Variants in AUTS2 observed in about 807,000 individuals in gnomAD.
AUTS2 encodes autism susceptibility gene 2 protein.
A neutral mutation model predicts 112.4 loss-of-function variants in AUTS2; 17 were observed. The ratio of observed to expected loss-of-function variants is 0.15; its 90% CI spans 0.10 to 0.23. The LOEUF is 0.23. Ranked by LOEUF, AUTS2 falls within the 10% of genes least tolerant of loss-of-function variation. The probability of loss-of-function intolerance (pLI) is 1.00; values close to 1 mark genes in which losing one functional copy is unlikely to be tolerated. For synonymous variants in AUTS2, 751 were observed against 702.7 expected, an observed-to-expected ratio of 1.07 and a Z score of -1.09; for missense variants, 1,510 against 1,701.6, an observed-to-expected ratio of 0.89 and a Z score of 1.98.
chr7:70,384,361 G>A (rs888560327), intron 4 of AUTS2, among the ~76,000 whole-genome samples: 2 of 152,216 alleles, frequency 1.3e-5, no homozygotes, highest in South Asian at 2.1e-4. Flanking sequence ...TAAATCCATG[G>A]TAACCTGTTC....
At chr7:69,645,923 C>T (rs1442938084) in intron 1 of AUTS2, among the ~76,000 whole-genome samples, 2 of 151,006 alleles carry the variant, frequency 1.3e-5, no homozygotes, top group Non-Finnish European at 2.9e-5. Flanking sequence ...CAGGACTCTA[C>T]AGTGATGACT....
chr7:69,824,135 T>C (rs1791129857), intron 1 of AUTS2, among the ~76,000 whole-genome samples: 1 of 152,246 alleles, frequency 6.6e-6, no homozygotes, highest in South Asian at 2.1e-4. Context: ...GTGATACGGC[T>C]GGGCACGGTG....
chr7:69,781,857 C>G (rs1176451207), intron 1 of AUTS2, among the ~76,000 whole-genome samples: 2 of 152,200 alleles, frequency 1.3e-5, no homozygotes, highest in African/African-American at 2.4e-5. Flanking sequence ...GAAAAAGTGC[C>G]TTTGGGTCAT....
In AUTS2 at chr7:70,108,783, C is replaced by CAAAA. The variant is rs528009205; in HGVS notation, c.523-9321_523-9318dup. ...TTCCAGACCAGCCTGGCCAACATGGCAAAAAAAAAAAAAAAAAAAAAAAAA... is the reference window on the plus strand; with the variant it reads ...TTCCAGACCAGCCTGGCCAACATGGCAAAAAAAAAAAAAAAAAAAAAAAAAAAAA... On this transcript the variant is annotated intron_variant, in intron 2 of 18. Transcript: ENST00000342771. Among the ~76,000 whole-genome samples the CAAAA allele has an allele frequency of 2.1e-3, 142 of 69,144 alleles. 5 individuals carry two copies. Among genetic ancestry groups the CAAAA allele is most frequent in the African/African-American group, 5.6e-3 (103 of 18,516 alleles). 45.4% of individuals were successfully genotyped at this position (69,144 alleles called of 152,430 possible). A position where few individuals can be genotyped will look rare whatever the true frequency, so the allele number is the denominator to read the frequency against.
chr7:70,716,388 C>T (rs144157229), intron 6 of AUTS2, among the ~76,000 whole-genome samples: 47 of 152,256 alleles, frequency 3.1e-4, no homozygotes, highest in African/African-American at 1.1e-3. Context: ...AATCCCAGCA[C>T]TTTGGGAGGC....
chr7:69,858,235 G>A (rs1325487040), intron 1 of AUTS2, among the ~76,000 whole-genome samples: 7 of 152,222 alleles, frequency 4.6e-5, no homozygotes, highest in Admixed American at 6.5e-5. Context: ...TATGTTCAAA[G>A]TAGCATAAGC....
chr7:69,891,355 C>T (rs1375914703), intron 1 of AUTS2, among the ~76,000 whole-genome samples: 6 of 152,182 alleles, frequency 3.9e-5, no homozygotes, highest in Non-Finnish European at 8.8e-5. Context: ...TTGGTTACAA[C>T]CACAGTTTGT....
chr7:70,362,513 T>G (rs1240725071), intron 4 of AUTS2, among the ~76,000 whole-genome samples: 1 of 152,114 alleles, frequency 6.6e-6, no homozygotes, highest in African/African-American at 2.4e-5. Flanking sequence ...CTTGCAGTCT[T>G]ATAAAATAAG....
chr7:69,906,357 A>G (rs943759733), intron 2 of AUTS2, among the ~76,000 whole-genome samples: 1 of 152,234 alleles, frequency 6.6e-6, no homozygotes, highest in Non-Finnish European at 1.5e-5. Context: ...TTGTATCCAC[A>G]CAAGTCTGTA....
chr7:69,723,289 T>G (rs1799063085), intron 1 of AUTS2, among the ~76,000 whole-genome samples: 1 of 152,142 alleles, frequency 6.6e-6, no homozygotes, highest in South Asian at 2.1e-4. Context: ...TTGAGCAACC[T>G]TACATATTGG....
chr7:70,305,301 G>C (rs1172722179), intron 4 of AUTS2, among the ~76,000 whole-genome samples: 1 of 151,920 alleles, frequency 6.6e-6, no homozygotes, highest in African/African-American at 2.4e-5. Flanking sequence ...TAATGTCCTA[G>C]TGTTTGTTGC....
chr7:70,423,793 G>C (rs1049779994), intron 4 of AUTS2, among the ~76,000 whole-genome samples: 3 of 152,116 alleles, frequency 2.0e-5, no homozygotes, highest in African/African-American at 7.2e-5. Context: ...TTCTGGTTTT[G>C]TTTGTCTGGG....
intron 1 of AUTS2, among the ~76,000 whole-genome samples, chr7:69,730,370 T>C (rs1170170225): frequency 1.6e-4 from 24 of 152,160 alleles, no homozygotes. Flanking sequence ...TTCTGAGATC[T>C]AACATCAATT....
intron 2 of AUTS2, among the ~76,000 whole-genome samples, chr7:70,095,309 G>T (rs563675708): frequency 6.6e-6 from 1 of 152,192 alleles, no homozygotes; most frequent in Admixed American, 6.5e-5. Flanking sequence ...TGCAGTATTT[G>T]CATGGTTAAG....
intron 3 of AUTS2, among the ~76,000 whole-genome samples, chr7:70,131,024 AC>A (rs1007441690): frequency 3.0e-4 from 45 of 152,300 alleles, no homozygotes; most frequent in African/African-American, 7.5e-4. Context: ...CCTTAAAAAA[AC>A]ATCTTAACTT....
At chr7:70,715,355 C>A (rs998751850) in intron 6 of AUTS2, among the ~76,000 whole-genome samples, 1 of 152,112 alleles carries the variant, frequency 6.6e-6, no homozygotes, top group African/African-American at 2.4e-5. Context: ...AGAACAACAT[C>A]GTCAAATGAG....
chr7:70,508,816 C>A (rs907703265), intron 5 of AUTS2, among the ~76,000 whole-genome samples: 6 of 152,132 alleles, frequency 3.9e-5, no homozygotes, highest in Non-Finnish European at 4.4e-5. Flanking sequence ...GGAGAAAGGG[C>A]AAGGTATTAA....
At chr7:69,924,543 CTTTTCTTTTTTTT>C (rs944263119) in intron 2 of AUTS2, among the ~76,000 whole-genome samples, 7 of 149,394 alleles carry the variant, frequency 4.7e-5, no homozygotes, top group East Asian at 1.9e-4. Context: ...TTCTTTCTTT[CTTTTCTTTTTTTT>C]TTTTCTTTTT....
At chr7:69,749,321 C>T (rs949839349) in intron 1 of AUTS2, among the ~76,000 whole-genome samples, 24 of 152,192 alleles carry the variant, frequency 1.6e-4, no homozygotes. Flanking sequence ...TTTAGATTTA[C>T]AGAGTTGTGC....
Sources: gnomAD v4.1 joint callset for allele counts (sites outside exome capture counted in the v4.1 genomes callset) on GRCh38, gnomAD v4.1.1 for gene constraint, MANE v1.5 for transcripts, NCBI Gene and HGNC (gene_info 2026-07-23, HGNC 2026-07-21) for gene names.